The following ERC1 variants were observed in gnomAD, a reference collection of about 807,000 sequenced individuals.
The protein encoded by ERC1 is RAB6 interacting protein 2.
In ERC1, 56 loss-of-function variants were observed where a neutral mutation model predicts 132.0. That is an observed-to-expected ratio of 0.42 (90% CI 0.34 to 0.53). The LOEUF (loss-of-function observed/expected upper bound fraction) is 0.53, where lower values mean the gene tolerates loss of function less well. ERC1 is among the 20% of genes least tolerant of loss of function. The pLI, the probability that ERC1 is intolerant of heterozygous loss-of-function variation, is 0.03. For missense variants in ERC1, 1,202 were observed against 1,349.9 expected (o/e 0.89, Z 1.72); for synonymous variants, 478 against 476.1 (o/e 1.00, Z -0.05).
intron 18 of ERC1, among the ~76,000 whole-genome samples, chr12:1,459,902 A>T (rs914734731): frequency 4.6e-5 from 7 of 152,210 alleles, no homozygotes; most frequent in Non-Finnish European, 2.9e-5. Context: ...TAACACCAGG[A>T]AACATACATA....
At chr12:1,301,604 A>G (rs1315629946) in intron 15 of ERC1, among the ~76,000 whole-genome samples, 1 of 152,162 alleles carries the variant, frequency 6.6e-6, no homozygotes, top group Non-Finnish European at 1.5e-5. Context: ...AAGGGGAGCT[A>G]AATGATGGCA....
intron 11 of ERC1, among the ~76,000 whole-genome samples, chr12:1,187,204 A>G (rs1166681263): frequency 6.6e-6 from 1 of 152,094 alleles, no homozygotes; most frequent in Admixed American, 6.5e-5. Flanking sequence ...AGTTTGTATT[A>G]TAATTTATAA....
intron 15 of ERC1, among the ~76,000 whole-genome samples, chr12:1,351,096 C>T (rs2084953291): frequency 1.3e-5 from 2 of 152,176 alleles, no homozygotes; most frequent in Admixed American, 1.3e-4. Flanking sequence ...TACTGGGAAT[C>T]AAATTTCAAC....
chr12:1,481,241 G>T (rs577894470), intron 18 of ERC1, among the ~76,000 whole-genome samples: 2 of 151,926 alleles, frequency 1.3e-5, no homozygotes, highest in Non-Finnish European at 2.9e-5. Context: ...CCGTATTTTA[G>T]TATAAGGAGG....
chr12:1,154,351 T>TGTATATATA, intron 8 of ERC1, among the ~76,000 whole-genome samples: 2 of 54,096 alleles, frequency 3.7e-5, no homozygotes, highest in African/African-American at 8.3e-5. Context: ...CCATGTGTGT[T>TGTATATATA]TATACACACA....
At chr12:1,046,476 GT>G (rs1592925393) in intron 2 of ERC1, among the ~76,000 whole-genome samples, 1 of 152,162 alleles carries the variant, frequency 6.6e-6, no homozygotes, top group East Asian at 1.9e-4. Context: ...CATAAATAAA[GT>G]TTTATTGGGA....
intron 8 of ERC1, among the ~76,000 whole-genome samples, chr12:1,142,614 A>G (rs1949958484): frequency 6.6e-6 from 1 of 152,230 alleles, no homozygotes; most frequent in East Asian, 1.9e-4. Context: ...TGAAAGTGTT[A>G]TATTCCCACA....
At chr12:1,113,805 A>G (rs1409161415) in intron 6 of ERC1, among the ~76,000 whole-genome samples, 2 of 152,210 alleles carry the variant, frequency 1.3e-5, no homozygotes, top group East Asian at 3.8e-4. Context: ...TAAACAGTAC[A>G]GTGGCATTCG....
intron 17 of ERC1, among the ~76,000 whole-genome samples, chr12:1,428,518 G>A (rs73028363): frequency 0.059 from 9,036 of 152,016 alleles, 390 homozygotes; most frequent in African/African-American, 0.11. Flanking sequence ...CATGAAGTTC[G>A]TTACTCACCC....
intron 18 of ERC1, among the ~76,000 whole-genome samples, chr12:1,459,539 C>T (rs1234017599): frequency 6.6e-6 from 1 of 152,136 alleles, no homozygotes; most frequent in Non-Finnish European, 1.5e-5. Context: ...GGTTGAATGC[C>T]AGCATAATGT....
chr12:1,166,872 C>T (rs1053585708), intron 8 of ERC1, among the ~76,000 whole-genome samples: 1 of 152,054 alleles, frequency 6.6e-6, no homozygotes, highest in Admixed American at 6.5e-5. Flanking sequence ...TTTTCAAGTG[C>T]TAAGGTGTAA....
At chr12:1,317,246 C>T (rs1361093591) in intron 15 of ERC1, among the ~76,000 whole-genome samples, 1 of 151,882 alleles carries the variant, frequency 6.6e-6, no homozygotes, top group Non-Finnish European at 1.5e-5. Context: ...GAGTTCATGT[C>T]CTTTGCAGGG....
chr12:1,418,490 T>C (rs1257886617), intron 17 of ERC1, among the ~76,000 whole-genome samples: 1 of 152,192 alleles, frequency 6.6e-6, no homozygotes, highest in African/African-American at 2.4e-5. Flanking sequence ...TTAGACCCAA[T>C]TGTCCTCAAA....
At chr12:1,254,128 A>G (rs2076640991) in intron 13 of ERC1, among the ~76,000 whole-genome samples, 1 of 152,236 alleles carries the variant, frequency 6.6e-6, no homozygotes, top group South Asian at 2.1e-4. Context: ...AATGTGGTTA[A>G]TAGCAGTTGA....
chr12:1,310,107 C>T lies in ERC1; in HGVS notation c.2780+20095C>T, dbSNP rs936786079. Among the ~76,000 whole-genome samples the T allele has an allele frequency of 4.0e-5, 6 of 151,598 alleles. No individual in the cohort carries two copies. In the East Asian group the frequency reaches 1.2e-3, roughly 29 times the overall value. ...GGACTACAGGCACCCGCCACCATGC[C>T]TGGCTAATTTTTTGTATTTTTAATA... On this transcript the variant is annotated intron_variant, in intron 15 of 18. Coordinates refer to ENST00000360905, the MANE Select transcript of ERC1 (RefSeq NM_178040.4).
chr12:1,002,170 T>G (rs1962492328), intron 1 of ERC1, among the ~76,000 whole-genome samples: 1 of 104,426 alleles, frequency 9.6e-6, no homozygotes, highest in African/African-American at 3.7e-5. Flanking sequence ...CTTTTTTTTT[T>G]TTTTTTTTTT....
At chr12:1,393,246 G>A (rs1388002456) in intron 16 of ERC1, among the ~76,000 whole-genome samples, 1 of 152,228 alleles carries the variant, frequency 6.6e-6, no homozygotes, top group Admixed American at 6.5e-5. Context: ...TAAGAACTTT[G>A]GCTGGGTGTG....
chr12:1,463,757 A>G (rs1450081676), intron 18 of ERC1, among the ~76,000 whole-genome samples: 1 of 135,490 alleles, frequency 7.4e-6, no homozygotes, highest in East Asian at 2.1e-4. Context: ...GAGAAACACT[A>G]TTGAGTAGTT....
chr12:1,044,206 T>A (rs1412091664), intron 2 of ERC1, among the ~76,000 whole-genome samples: 1 of 152,240 alleles, frequency 6.6e-6, no homozygotes, highest in African/African-American at 2.4e-5. Context: ...GCGTTTTGAA[T>A]GCCAGTTTCC....
Sources: allele counts gnomAD v4.1 joint callset (sites outside exome capture counted in the v4.1 genomes callset), GRCh38; gene constraint gnomAD v4.1.1; transcripts MANE v1.5; gene names NCBI Gene and HGNC (gene_info 2026-07-23, HGNC 2026-07-21).